PCBP3: variants seen among roughly 807,000 people sequenced by gnomAD.
The protein encoded by PCBP3 is poly(rC)-binding protein 3.
In PCBP3, 25 loss-of-function variants were observed where a neutral mutation model predicts 52.7. That is an observed-to-expected ratio of 0.47 (90% confidence interval 0.35 to 0.66). The LOEUF (loss-of-function observed/expected upper bound fraction) is 0.66, where lower values mean the gene tolerates loss of function less well. PCBP3 is among the 30% of genes least tolerant of loss of function. The pLI, the probability that PCBP3 is intolerant of heterozygous loss-of-function variation, is 0.01. For synonymous variants in PCBP3, 162 were observed against 183.0 expected (o/e 0.89, Z 0.93); for missense variants, 391 against 490.3 (o/e 0.80, Z 1.91).
chr21:45,797,479 G>C (rs1473292588), intron 4 of PCBP3, among the ~76,000 whole-genome samples: 1 of 142,028 alleles, frequency 7.0e-6, no homozygotes, highest in African/African-American at 2.6e-5. Context: ...CGAGTGCATG[G>C]ATCCATAGAG....
chr21:45,852,230 G>A (rs987791976), intron 5 of PCBP3, among the ~76,000 whole-genome samples: 19 of 152,168 alleles, frequency 1.2e-4, no homozygotes, highest in Admixed American at 1.2e-3. Flanking sequence ...ACTATTATGC[G>A]TCAATTATAA....
chr21:45,663,811 T>C (rs1201869658), intron 1 of PCBP3, among the ~76,000 whole-genome samples: 1 of 152,188 alleles, frequency 6.6e-6, no homozygotes, highest in African/African-American at 2.4e-5. Flanking sequence ...GGTAATGTGA[T>C]GCCTCTAGCC....
At position 45,654,814 on chromosome 21, in the gene PCBP3, A is replaced by G. The variant is rs149235554; in HGVS notation, c.-279+10946A>G. Among the ~76,000 whole-genome samples, 393 of 152,342 alleles carry G rather than the reference A, an allele frequency of 2.6e-3. 1 individual carries two copies. The highest frequency in any genetic ancestry group is 8.5e-3 in the African/African-American group (352 of 41,572). On this transcript the variant is annotated intron_variant, in intron 1 of 17. Coordinates refer to ENST00000681687, the MANE Select transcript of PCBP3 (RefSeq NM_001384156.1). ...AAGGTCATGCAACTGTCATTACTACATAATTCCAGAACATTTTCTTCACTT... is the reference window on the plus strand; with the variant it reads ...AAGGTCATGCAACTGTCATTACTACGTAATTCCAGAACATTTTCTTCACTT...
chr21:45,728,161 T>G (rs901994629), intron 2 of PCBP3, among the ~76,000 whole-genome samples: 1 of 152,192 alleles, frequency 6.6e-6, no homozygotes, highest in African/African-American at 2.4e-5. Flanking sequence ...CGGTCTAACT[T>G]TGTTCCTGAA....
chr21:45,922,858 C>T (rs1291149802), intron 13 of PCBP3, among the ~76,000 whole-genome samples: 7 of 152,242 alleles, frequency 4.6e-5, no homozygotes, highest in African/African-American at 1.7e-4. Flanking sequence ...GGCACAGCCG[C>T]CCAGGCAGCT....
chr21:45,725,801 CA>C (rs1032723675), intron 2 of PCBP3, among the ~76,000 whole-genome samples: 13 of 148,058 alleles, frequency 8.8e-5, no homozygotes, highest in African/African-American at 3.0e-4. Context: ...AACTGGGTGG[CA>C]GGGGGGAGCC....
At chr21:45,895,772 T>C (rs1439348832) in intron 5 of PCBP3, among the ~76,000 whole-genome samples, 2 of 152,354 alleles carry the variant, frequency 1.3e-5, no homozygotes, top group East Asian at 3.9e-4. Flanking sequence ...TCCCACACCC[T>C]GGTCAGGGGA....
chr21:45,924,705 C>T (rs1166379251), intron 13 of PCBP3, among the ~76,000 whole-genome samples: 1 of 55,260 alleles, frequency 1.8e-5, no homozygotes. Flanking sequence ...CGGGAACAGT[C>T]GAGTGGATAG....
chr21:45,925,785 A>G (rs1276540102), intron 13 of PCBP3, among the ~76,000 whole-genome samples: 1 of 152,264 alleles, frequency 6.6e-6, no homozygotes, highest in East Asian at 1.9e-4. Context: ...TTCAAAATTT[A>G]TACGTGCCTA....
At chr21:45,709,439 C>T (rs954549340) in intron 2 of PCBP3, among the ~76,000 whole-genome samples, 1 of 152,166 alleles carries the variant, frequency 6.6e-6, no homozygotes, top group Non-Finnish European at 1.5e-5. Context: ...TCTAAAGACA[C>T]CATCACCGTG....
At chr21:45,698,231 T>C (rs1161774104) in intron 2 of PCBP3, among the ~76,000 whole-genome samples, 1 of 152,218 alleles carries the variant, frequency 6.6e-6, no homozygotes, top group Non-Finnish European at 1.5e-5. Context: ...CTCCTTCCCC[T>C]TCTCCAAAGT....
chr21:45,752,248 A>C (rs1029811921), intron 3 of PCBP3, among the ~76,000 whole-genome samples: 1 of 152,138 alleles, frequency 6.6e-6, no homozygotes, highest in East Asian at 1.9e-4. Context: ...TTAATTTTTT[A>C]TTAGTTTATT....
intron 5 of PCBP3, among the ~76,000 whole-genome samples, chr21:45,893,566 G>A (rs894973980): frequency 1.0e-4 from 5 of 48,992 alleles, no homozygotes; most frequent in Non-Finnish European, 1.9e-4. Flanking sequence ...CCCTGGGCAA[G>A]TGCAGACAGT....
At position 45,801,685 on chromosome 21, in the gene PCBP3, T is replaced by G. The variant is rs142726123; in HGVS notation, c.-126+46233T>G. Among the ~76,000 whole-genome samples the G allele has an allele frequency of 1.4e-4, 21 of 152,362 alleles. No homozygotes were observed. In the East Asian group the frequency reaches 4.0e-3, roughly 29 times the overall value. The stretch of plus-strand genomic sequence containing the variant: ...TGGATGCACTCTGCTTATATGCCTT[T>G]TGCTCATTTTCTGCCTTTAGCTGCA... On this transcript the variant is annotated intron_variant, in intron 4 of 17. Coordinates refer to ENST00000681687, the MANE Select transcript of PCBP3 (RefSeq NM_001384156.1).
At chr21:45,876,527 C>T (rs1305057140) in intron 5 of PCBP3, among the ~76,000 whole-genome samples, 3 of 152,164 alleles carry the variant, frequency 2.0e-5, no homozygotes, top group Admixed American at 6.5e-5. Context: ...GAATGCTCGC[C>T]GAGGCCAGGC....
rs971041269 is a variant in PCBP3 at position 45,877,849 on chromosome 21, A to ACCC, written c.11-18355_11-18353dup. 9.2e-5 allele frequency among the ~76,000 whole-genome samples: 14 copies of ACCC among 151,946 alleles called. 1 individual carries two copies. Among genetic ancestry groups the ACCC allele is most frequent in the Non-Finnish European group, 1.5e-4 (10 of 67,970 alleles). On this transcript the variant is annotated intron_variant, in intron 5 of 17. Coordinates refer to ENST00000681687, the MANE Select transcript of PCBP3 (RefSeq NM_001384156.1). The stretch of plus-strand genomic sequence containing the variant: ...TTCTGGTCAAATGGAGTGGGGGTAC[A>ACCC]CCCCCCTGCCCCTCCCACTGAGCAC...
intron 2 of PCBP3, among the ~76,000 whole-genome samples, chr21:45,694,166 C>T (rs2082637587): frequency 6.6e-6 from 1 of 151,872 alleles, no homozygotes; most frequent in Non-Finnish European, 1.5e-5. Context: ...ACCAAAGAAC[C>T]ACAGGACCCA....
chr21:45,896,383 C>T (rs1158909537), intron 6 of PCBP3, 21 bp downstream of exon 6: 1 of 1,550,652 alleles, frequency 6.4e-7, no homozygotes, highest in Non-Finnish European at 8.7e-7. Context: ...CCGCCATTGT[C>T]TCTGTAGGAA....
At chr21:45,834,021 A>G (rs931339233) in intron 4 of PCBP3, among the ~76,000 whole-genome samples, 1 of 152,180 alleles carries the variant, frequency 6.6e-6, no homozygotes, top group African/African-American at 2.4e-5. Context: ...CCAGAAGGAA[A>G]GCCAAGCACA....
Sources: allele counts gnomAD v4.1 joint callset (sites outside exome capture counted in the v4.1 genomes callset), GRCh38; gene constraint gnomAD v4.1.1; transcripts MANE v1.5; gene names NCBI Gene and HGNC (gene_info 2026-07-23, HGNC 2026-07-21).